Variants in CHRM3 observed in about 807,000 individuals in gnomAD.
CHRM3 encodes the protein cholinergic receptor muscarinic 3.
In CHRM3, 11 loss-of-function variants were observed where a neutral mutation model predicts 41.8. The ratio of observed to expected loss-of-function variants is 0.26; its 90% CI spans 0.17 to 0.44. The LOEUF (loss-of-function observed/expected upper bound fraction) is 0.44. Ranked by LOEUF, CHRM3 falls within the 20% of genes least tolerant of loss-of-function variation. The pLI, the probability that CHRM3 is intolerant of heterozygous loss-of-function variation, is 1.00. For missense variants in CHRM3, 571 were observed against 745.4 expected (o/e 0.77, Z 2.72); for synonymous variants, 297 against 301.4 (o/e 0.99, Z 0.15).
At chr1:239,893,748 A>T (rs1273029985) in intron 6 of CHRM3, among the ~76,000 whole-genome samples, 1 of 152,070 alleles carries the variant, frequency 6.6e-6, no homozygotes, top group Non-Finnish European at 1.5e-5. Flanking sequence ...AAAAAAAAAA[A>T]AAAAGAATTT....
At chr1:239,507,364 A>T (rs1369952500) in intron 2 of CHRM3, among the ~76,000 whole-genome samples, 2 of 152,176 alleles carry the variant, frequency 1.3e-5, no homozygotes, top group African/African-American at 4.8e-5. Flanking sequence ...TGATGGTTAT[A>T]TAAAAACAGG....
At chr1:239,713,864 T>C (rs2148252223) in intron 5 of CHRM3, among the ~76,000 whole-genome samples, 1 of 152,314 alleles carries the variant, frequency 6.6e-6, no homozygotes, top group South Asian at 2.1e-4. Flanking sequence ...TTCCATTAAA[T>C]TGTTTTATGG....
At chr1:239,712,556 ATACTT>A (rs1661914098) in intron 5 of CHRM3, among the ~76,000 whole-genome samples, 1 of 152,196 alleles carries the variant, frequency 6.6e-6, no homozygotes, top group Non-Finnish European at 1.5e-5. Flanking sequence ...ACTATTGAAA[ATACTT>A]TACCTTTTAA....
chr1:239,412,504 C>G (rs1661180372), intron 1 of CHRM3, among the ~76,000 whole-genome samples: 2 of 149,096 alleles, frequency 1.3e-5, no homozygotes, highest in Admixed American at 1.4e-4. Context: ...TCCAGAGTTC[C>G]TCAGTCTCAT....
At chr1:239,759,978 G>C (rs574195542) in intron 5 of CHRM3, among the ~76,000 whole-genome samples, 2 of 151,914 alleles carry the variant, frequency 1.3e-5, no homozygotes, top group Middle Eastern at 3.4e-3. Context: ...GCAGTGGCGC[G>C]ATCTAGACTC....
chr1:239,412,747 A>C (rs1272688382), intron 1 of CHRM3, among the ~76,000 whole-genome samples: 1 of 152,102 alleles, frequency 6.6e-6, no homozygotes, highest in Non-Finnish European at 1.5e-5. Flanking sequence ...GAACATGTTA[A>C]GAGCTTCATT....
chr1:239,618,619 C>A (rs545777682), intron 3 of CHRM3, among the ~76,000 whole-genome samples: 1 of 151,344 alleles, frequency 6.6e-6, no homozygotes, highest in East Asian at 2.0e-4. Flanking sequence ...CCAAGGCGGT[C>A]GGATCACGAG....
intron 5 of CHRM3, among the ~76,000 whole-genome samples, chr1:239,789,395 G>C (rs150566139): frequency 6.6e-6 from 1 of 152,156 alleles, no homozygotes; most frequent in African/African-American, 2.4e-5. Context: ...GAACACCACT[G>C]TCTCAGTGCA....
At chr1:239,502,608 A>G (rs1486327196) in intron 2 of CHRM3, among the ~76,000 whole-genome samples, 1 of 152,180 alleles carries the variant, frequency 6.6e-6, no homozygotes, top group African/African-American at 2.4e-5. Context: ...CCCTAATACC[A>G]AAACCAAGAA....
At chr1:239,906,766 A>G (rs1448250366) in intron 6 of CHRM3, among the ~76,000 whole-genome samples, 1 of 152,184 alleles carries the variant, frequency 6.6e-6, no homozygotes, top group East Asian at 1.9e-4. Flanking sequence ...TCCATTCAAA[A>G]CGTTCTGCTA....
rs115481542 is a variant in CHRM3 at position 239,411,093 on chromosome 1, T to C, written c.-521+23866T>C. Among the ~76,000 whole-genome samples, 993 of 152,320 alleles carry C rather than the reference T, an allele frequency of 6.5e-3. 7 individuals carry two copies. Among genetic ancestry groups the C allele is most frequent in the Middle Eastern group, 0.024 (7 of 294 alleles). The stretch of plus-strand genomic sequence containing the variant: ...CTGTGTCACTAACGAGTTTTTAAGC[T>C]TTTGTAATGCTTTAGTGTTGGCTCA... On this transcript the variant is annotated intron_variant, in intron 1 of 6. Coordinates refer to ENST00000676153, the MANE Select transcript of CHRM3 (RefSeq NM_001375978.1).
At chr1:239,726,418 C>T (rs983263803) in intron 5 of CHRM3, among the ~76,000 whole-genome samples, 6 of 151,344 alleles carry the variant, frequency 4.0e-5, no homozygotes, top group African/African-American at 1.2e-4. Context: ...GTTTTTTTTC[C>T]GCCATATTTT....
chr1:239,532,630 A>C (rs113335215), intron 2 of CHRM3, among the ~76,000 whole-genome samples: 1 of 151,896 alleles, frequency 6.6e-6, no homozygotes, highest in East Asian at 2.0e-4. Flanking sequence ...CTCAAAAAAA[A>C]AAAAAAAAGA....
At chr1:239,832,187 G>A (rs574374182) in intron 6 of CHRM3, among the ~76,000 whole-genome samples, 9 of 152,242 alleles carry the variant, frequency 5.9e-5, no homozygotes, top group African/African-American at 1.7e-4. Flanking sequence ...TTGATTTCTG[G>A]AGGAAGTCAT....
In CHRM3 at chr1:239,617,458, C is replaced by T. The variant is rs150687402; in HGVS notation, c.-312-14766C>T. ...GTGAATTTTTGGCCAGGCGTGGGAG[C>T]TCACACCTACAATCCCAACACTTTG... is the stretch of plus-strand genomic sequence containing the variant. On this transcript the variant is annotated intron_variant, in intron 3 of 6. Coordinates refer to ENST00000676153, the MANE Select transcript of CHRM3 (RefSeq NM_001375978.1). 2.3e-3 allele frequency among the ~76,000 whole-genome samples: 351 copies of T among 152,220 alleles called. 5 individuals are homozygous for T. Among genetic ancestry groups the T allele is most frequent in the Non-Finnish European group, 2.2e-4 (15 of 68,014 alleles).
At chr1:239,405,392 G>A (rs1429809386) in intron 1 of CHRM3, among the ~76,000 whole-genome samples, 1 of 152,098 alleles carries the variant, frequency 6.6e-6, no homozygotes, top group African/African-American at 2.4e-5. Context: ...AGCAGGACAA[G>A]ACGCTGCCTT....
intron 1 of CHRM3, among the ~76,000 whole-genome samples, chr1:239,392,985 T>G (rs1468044096): frequency 6.6e-6 from 1 of 152,122 alleles, no homozygotes; most frequent in East Asian, 1.9e-4. Flanking sequence ...CAGTGGTATT[T>G]TGTAGACTCA....
chr1:239,776,847 A>G (rs1668126967), intron 5 of CHRM3, among the ~76,000 whole-genome samples: 1 of 152,164 alleles, frequency 6.6e-6, no homozygotes. Context: ...AAGGAGAAGT[A>G]CAGAGCAAAG....
intron 5 of CHRM3, among the ~76,000 whole-genome samples, chr1:239,694,341 T>C (rs533954876): frequency 6.6e-6 from 1 of 152,292 alleles, no homozygotes; most frequent in Admixed American, 6.5e-5. Context: ...AAAACACAAA[T>C]AATTTGTCAC....
Sources: gnomAD v4.1 joint callset for allele counts (sites outside exome capture counted in the v4.1 genomes callset) on GRCh38, gnomAD v4.1.1 for gene constraint, MANE v1.5 for transcripts, NCBI Gene and HGNC (gene_info 2026-07-23, HGNC 2026-07-21) for gene names.